Variants in TCERG1 observed in about 807,000 individuals in gnomAD.
TCERG1 encodes the protein transcription elongation regulator 1.
TCERG1 carries 37 observed loss-of-function variants against 144.7 expected under a neutral mutation model. The observed-to-expected ratio is 0.26, with a 90% CI of 0.20 to 0.34. TCERG1 has a LOEUF of 0.34. TCERG1 is among the 10% of genes least tolerant of loss of function. The pLI, the probability that TCERG1 is intolerant of heterozygous loss-of-function variation, is 1.00. For missense variants in TCERG1, 1,027 were observed against 1,380.7 expected, an observed-to-expected ratio of 0.74 and a Z score of 4.06; for synonymous variants, 492 against 458.2, an observed-to-expected ratio of 1.07 and a Z score of -0.94.
At chr5:146,496,530 T>C (rs1303316908) in intron 16 of TCERG1, among the ~76,000 whole-genome samples, 1 of 152,178 alleles carries the variant, frequency 6.6e-6, no homozygotes, top group Admixed American at 6.5e-5. Context: ...TCCTATCCAG[T>C]TAATTTTTTT....
chr5:146,451,697 A>T (rs961046832), intron 1 of TCERG1, among the ~76,000 whole-genome samples: 1 of 150,248 alleles, frequency 6.7e-6, no homozygotes, highest in Non-Finnish European at 1.5e-5. Context: ...GATTAAATAT[A>T]CTTGGTGTAG....
chr5:146,478,609 A>T lies in TCERG1; in HGVS notation c.1718A>T (p.Gln573Leu), dbSNP rs768900281. 1.2e-6 allele frequency: 2 copies of T among 1,606,746 alleles called. No individual in the cohort carries two copies. Among genetic ancestry groups the T allele is most frequent in the Non-Finnish European group, 1.7e-6 (2 of 1,177,682 alleles). ...IGRADVDKII[Q>L]EPPHKKGMEE... The stretch of plus-strand genomic sequence containing the variant: ...AGGGCAGATGTTGACAAAATTATTC[A>T]GGAGCCCCCTCATAAAAAAGGAATG... The change falls in exon 10 of 23, where the codon CAG becomes CTG. Residue 573 changes from glutamine (Q) to leucine (L), a missense_variant. Physicochemically the swap from Gln to Leu is moderately radical, Grantham distance 113. Coordinates refer to ENST00000679501, the MANE Select transcript of TCERG1 (RefSeq NM_001382548.1).
intron 6 of TCERG1, among the ~76,000 whole-genome samples, chr5:146,468,666 T>G (rs1227048652): frequency 6.6e-6 from 1 of 152,302 alleles, no homozygotes; most frequent in East Asian, 1.9e-4. Flanking sequence ...TGTAAACAAC[T>G]TCATTCTCAT....
intron 1 of TCERG1, 36 bp downstream of exon 1, chr5:146,447,444 C>G (rs761885420): frequency 6.3e-7 from 1 of 1,599,176 alleles, no homozygotes; most frequent in East Asian, 2.3e-5. Flanking sequence ...TCTCTGCTCA[C>G]GAGAGCCCCA....
At chr5:146,480,246 T>C (rs1435624825) in intron 12 of TCERG1, 152 bp downstream of exon 12, 1 of 479,286 alleles carries the variant, frequency 2.1e-6, no homozygotes, top group Admixed American at 3.9e-5. Flanking sequence ...TTGTTTTTCA[T>C]TGTAGAAAAT....
intron 21 of TCERG1, among the ~76,000 whole-genome samples, chr5:146,508,177 A>C (rs1036871266): frequency 5.3e-5 from 8 of 152,218 alleles, no homozygotes; most frequent in Non-Finnish European, 1.2e-4. Flanking sequence ...ACTTGGGGTG[A>C]AGCTTGTATT....
chr5:146,496,869 GTTTT>G lies in TCERG1; in HGVS notation c.2283-1648_2283-1645del, dbSNP rs70998085. Among the ~76,000 whole-genome samples the G allele has an allele frequency of 1.2e-3, 100 of 83,322 alleles. 2 individuals carry two copies. The East Asian group carries it at 0.02, about 17-fold the overall frequency. 54.7% of individuals were successfully genotyped at this position (83,322 alleles called of 152,430 possible). A position where few individuals can be genotyped will look rare whatever the true frequency, so the allele number is the denominator to read the frequency against. ...TTGTAGGGACAGAGCCTCACTATGTGTTTTTTTTTTTTTTTTTTTTTTGAGACAG... is the reference window on the plus strand; with the variant it reads ...TTGTAGGGACAGAGCCTCACTATGTGTTTTTTTTTTTTTTTTTTGAGACAG... On this transcript the variant is annotated intron_variant, in intron 16 of 22. Coordinates refer to ENST00000679501, the MANE Select transcript of TCERG1 (RefSeq NM_001382548.1).
chr5:146,454,946 C>A, intron 1 of TCERG1, 110 bp from the exon 2 acceptor site: 1 of 1,187,412 alleles, frequency 8.4e-7, no homozygotes, highest in South Asian at 1.5e-5. Context: ...GACTTTCCAA[C>A]TCCACTTAGA....
rs552605861 is a variant in TCERG1 at position 146,511,273 on chromosome 5, A to G, written c.*631A>G. 2 of 152,742 alleles carry G rather than the reference A, an allele frequency of 1.3e-5. No homozygotes were observed. Among genetic ancestry groups the G allele is most frequent in the Admixed American group, 1.3e-4 (2 of 15,300 alleles). 9.5% of individuals were successfully genotyped at this position (152,742 alleles called of 1,614,324 possible). On this transcript the variant is annotated 3_prime_UTR_variant, in exon 23 of 23. Transcript: ENST00000679501. Reference sequence around the variant, plus strand: ...GTAGTAATTTCTTCTCAGGTATGGAACCACGGTCATAACTAACATGTTGGC... The same window carrying G: ...GTAGTAATTTCTTCTCAGGTATGGAGCCACGGTCATAACTAACATGTTGGC...
chr5:146,457,966 C>CA (rs920889441), intron 3 of TCERG1, among the ~76,000 whole-genome samples: 2 of 152,158 alleles, frequency 1.3e-5, no homozygotes, highest in African/African-American at 2.4e-5. Flanking sequence ...TCTCCTGCCT[C>CA]AGCCTCCTGA....
chr5:146,459,955 T>G (rs1177166094), intron 4 of TCERG1, among the ~76,000 whole-genome samples: 2 of 152,150 alleles, frequency 1.3e-5, no homozygotes, highest in Non-Finnish European at 2.9e-5. Context: ...TCTTAAGAAC[T>G]AGGCAAATAG....
intron 15 of TCERG1, among the ~76,000 whole-genome samples, chr5:146,486,519 CT>C (rs1765846453): frequency 1.3e-5 from 2 of 152,166 alleles, no homozygotes; most frequent in Non-Finnish European, 2.9e-5. Context: ...GCTATTAACA[CT>C]TTAAAATAAG....
At chr5:146,471,430 G>A (rs1299928760) in intron 8 of TCERG1, 58 bp from the exon 9 acceptor site, 6 of 1,477,884 alleles carry the variant, frequency 4.1e-6, no homozygotes, top group Non-Finnish European at 4.6e-6. Context: ...TCATGTTTTT[G>A]TGGAACATTC....
chr5:146,505,169 C>T (rs1767851490), intron 19 of TCERG1, among the ~76,000 whole-genome samples: 1 of 151,760 alleles, frequency 6.6e-6, no homozygotes, highest in South Asian at 2.1e-4. Flanking sequence ...ACATTCAGAG[C>T]CATCCTGAGT....
intron 17 of TCERG1, among the ~76,000 whole-genome samples, chr5:146,502,207 T>A (rs1342555436): frequency 6.6e-6 from 1 of 152,102 alleles, no homozygotes; most frequent in Non-Finnish European, 1.5e-5. Context: ...AATCCTCCAG[T>A]AGGAGAAATG....
At chr5:146,476,724 C>T (rs1010227653) in intron 9 of TCERG1, among the ~76,000 whole-genome samples, 3 of 152,160 alleles carry the variant, frequency 2.0e-5, no homozygotes, top group Non-Finnish European at 4.4e-5. Context: ...CATTAATTTT[C>T]GGACTTGGGG....
intron 9 of TCERG1, among the ~76,000 whole-genome samples, chr5:146,474,609 A>G (rs74692156): frequency 2.4e-3 from 364 of 152,286 alleles, no homozygotes; most frequent in African/African-American, 8.1e-3. Flanking sequence ...GGGGGAGTCA[A>G]TTGATATAGA....
At chr5:146,497,968 G>A (rs997222337) in intron 16 of TCERG1, among the ~76,000 whole-genome samples, 1 of 152,112 alleles carries the variant, frequency 6.6e-6, no homozygotes, top group African/African-American at 2.4e-5. Flanking sequence ...CCCTCTCTTT[G>A]TAGATTCCTC....
At chr5:146,500,598 T>C (rs558821973) in intron 17 of TCERG1, among the ~76,000 whole-genome samples, 1 of 152,336 alleles carries the variant, frequency 6.6e-6, no homozygotes, top group African/African-American at 2.4e-5. Flanking sequence ...GTGAAGAACA[T>C]TGACTTCTGG....
Sources: gnomAD v4.1 joint callset for allele counts (sites outside exome capture counted in the v4.1 genomes callset) on GRCh38, gnomAD v4.1.1 for gene constraint, MANE v1.5 for transcripts, NCBI Gene and HGNC (gene_info 2026-07-23, HGNC 2026-07-21) for gene names.